RABL2A: variants seen among roughly 807,000 people sequenced by gnomAD.
The protein encoded by RABL2A is rab-like protein 2A.
A neutral mutation model predicts 30.7 loss-of-function variants in RABL2A; 17 were observed. That is an observed-to-expected ratio of 0.55 (90% confidence interval 0.38 to 0.83). The LOEUF (loss-of-function observed/expected upper bound fraction) is 0.83. Ranked by LOEUF, RABL2A falls within the 40% of genes least tolerant of loss-of-function variation. The pLI, the probability that RABL2A is intolerant of heterozygous loss-of-function variation, is 0.00. For synonymous variants in RABL2A, 64 were observed against 101.8 expected (o/e 0.63, Z 2.24); for missense variants, 155 against 272.6 (o/e 0.57, Z 3.04).
chr2:113,641,757 C>T (rs1442596989), intron 7 of RABL2A, 24 bp from the exon 8 acceptor site: 1 of 663,468 alleles, frequency 1.5e-6, no homozygotes, highest in Non-Finnish European at 2.6e-6. Flanking sequence ...GCACTCTCAT[C>T]CACCATCTCT....
At chr2:113,630,261 G>T in intron 2 of RABL2A, among the ~76,000 whole-genome samples, 1 of 152,228 alleles carries the variant, frequency 6.6e-6, no homozygotes, top group East Asian at 1.9e-4. Flanking sequence ...GACCATGATG[G>T]AAACAGTGCA....
intron 2 of RABL2A, 66 bp from the exon 3 acceptor site, chr2:113,632,849 T>C: frequency 6.2e-7 from 1 of 1,613,520 alleles, no homozygotes; most frequent in Non-Finnish European, 8.5e-7. Context: ...AGCCTTAGGG[T>C]GAAAAAGTCT....
intron 5 of RABL2A, chr2:113,638,595 C>T (rs793068): frequency 0.28 from 269,004 of 957,866 alleles, 41,484 homozygotes; most frequent in African/African-American, 0.52. Context: ...AGGCTGGGCG[C>T]GGTGACTCAT....
chr2:113,636,194 T>C (rs1490631996), intron 5 of RABL2A, among the ~76,000 whole-genome samples: 2 of 152,190 alleles, frequency 1.3e-5, no homozygotes, highest in Non-Finnish European at 2.9e-5. Flanking sequence ...CCCTAGCAAT[T>C]GTCACCAAGT....
At position 113,635,055 on chromosome 2, in the gene RABL2A, T is replaced by C. The variant is rs1389209471; in HGVS notation, c.222T>C (p.Phe74=). 2.5e-6 allele frequency: 4 copies of C among 1,613,800 alleles called. No homozygotes were observed. Among genetic ancestry groups the C allele is most frequent in the African/African-American group, 2.7e-5 (2 of 74,920 alleles). Residue 74 remains phenylalanine (F), a synonymous_variant, in exon 5 of 9, where the codon TTT becomes TTC. Coordinates refer to ENST00000683472, the MANE Select transcript of RABL2A (RefSeq NM_001306158.2). ...TVDGKTILVD[F]WDTAGQERFQ... ...CTGTCTGTGTTCACATTGCAGACTT[T>C]TGGGACACGGCAGGCCAGGAGCGGT...
rs573275971 is a variant in RABL2A, at chr2:113,630,745, C to G, written c.107+2032C>G. On this transcript the variant is annotated intron_variant, in intron 2 of 8. Transcript: ENST00000683472. ...CCCCTGTGAACAGGTGACCTCAGAC[C>G]TGGGCACTGCCTCCTGTGGAAGGCT... 2.8e-4 allele frequency among the ~76,000 whole-genome samples: 42 copies of G among 152,206 alleles called. 1 individual carries two copies. In the South Asian group the frequency reaches 8.3e-3, roughly 30 times the overall value.
chr2:113,632,638 T>C (rs1010046468), intron 2 of RABL2A, among the ~76,000 whole-genome samples: 3 of 152,238 alleles, frequency 2.0e-5, no homozygotes, highest in African/African-American at 7.2e-5. Context: ...ACAAGGGTAA[T>C]TGCATGTGCA....
rs1679038280 is a variant in RABL2A, at chr2:113,628,635, A to G, written c.29A>G (p.Glu10Gly). 6.5e-7 allele frequency: 1 copy of G among 1,539,346 alleles called. No homozygotes were observed. Among genetic ancestry groups the G allele is most frequent in the Non-Finnish European group, 8.8e-7 (1 of 1,135,752 alleles). MAEDKTKPS[E>G]LDQGKYDADD... The stretch of plus-strand genomic sequence containing the variant: ...GCAGAAGACAAAACCAAACCGAGTG[A>G]GTTGGACCAAGGGAAGTATGATGCT... Residue 10 changes from glutamate to glycine, a missense_variant, in exon 2 of 9, where the codon GAG becomes GGG. Glu to Gly is a moderately conservative substitution (Grantham distance 98, BLOSUM62 -2). This residue lies in a region of RABL2A where 10 missense variants were observed against 45.2 expected (regional missense o/e 0.22). Transcript: ENST00000683472.
intron 2 of RABL2A, among the ~76,000 whole-genome samples, chr2:113,631,025 G>A (rs1680134506): frequency 6.6e-6 from 1 of 152,100 alleles, no homozygotes; most frequent in Non-Finnish European, 1.5e-5. Flanking sequence ...AGCCTCCTGA[G>A]TAGCTGGGAT....
intron 5 of RABL2A, among the ~76,000 whole-genome samples, chr2:113,639,040 T>G (rs1684051802): frequency 6.6e-6 from 1 of 152,160 alleles, no homozygotes; most frequent in African/African-American, 2.4e-5. Context: ...CCCAGAAATT[T>G]GGGAGGCCGA....
rs1384876833 is a variant in RABL2A, at chr2:113,642,083, G to T, written c.644G>T (p.Ser215Ile). 6.2e-7 allele frequency: 1 copy of T among 1,613,452 alleles called. No individual in the cohort carries two copies. Among genetic ancestry groups the T allele is most frequent in the African/African-American group, 1.3e-5 (1 of 74,624 alleles). ...GACGTGCCAGACCAGGAACAGAGCA[G>T]CAGCATCGAGACCCCATCAGAGGAG... ...EEDVPDQEQS[S>I]SIETPSEEVA... Residue 215 changes from serine (S) to isoleucine (I), a missense_variant, in exon 9 of 9, where the codon AGC becomes ATC. Ser to Ile is a moderately radical substitution (Grantham distance 142, BLOSUM62 -2). Coordinates refer to ENST00000683472, the MANE Select transcript of RABL2A (RefSeq NM_001306158.2).
chr2:113,636,907 T>A (rs943787833), intron 5 of RABL2A, among the ~76,000 whole-genome samples: 2 of 151,660 alleles, frequency 1.3e-5, no homozygotes, highest in African/African-American at 2.4e-5. Flanking sequence ...GAGAATGGCG[T>A]GAACCCAGGA....
At chr2:113,636,833 A>G (rs1682946373) in intron 5 of RABL2A, among the ~76,000 whole-genome samples, 1 of 151,856 alleles carries the variant, frequency 6.6e-6, no homozygotes, top group South Asian at 2.1e-4. Flanking sequence ...CTAAAAATAC[A>G]AAAAAATTAG....
rs1489814182 is a variant in RABL2A, at chr2:113,635,394, G to T, written c.297+264G>T. On this transcript the variant is annotated intron_variant, in intron 5 of 8. Transcript: ENST00000683472. ...TCAACATCAGGTGTAGCATCCAAGA[G>T]GCAAACATGCCTGAAACAGGGCCAC... 8 of 524,104 alleles carry T rather than the reference G, an allele frequency of 1.5e-5. No homozygotes were observed. In the South Asian group the frequency reaches 1.6e-4, roughly 11 times the overall value. 32.5% of individuals were successfully genotyped at this position (524,104 alleles called of 1,614,324 possible). A position where few individuals can be genotyped will look rare whatever the true frequency, so the allele number is the denominator to read the frequency against.
chr2:113,639,842 T>G (rs1160042104), intron 5 of RABL2A, among the ~76,000 whole-genome samples: 1 of 121,172 alleles, frequency 8.3e-6, no homozygotes, highest in African/African-American at 3.6e-5. Flanking sequence ...GGTAACAGAG[T>G]GAGACTCCGT....
chr2:113,642,882 T>A lies in RABL2A; in HGVS notation c.*753T>A. 3.5e-6 allele frequency: 1 copy of A among 284,442 alleles called. No individual in the cohort carries two copies. The highest frequency in any genetic ancestry group is 2.8e-5 in the South Asian group (1 of 35,902). The allele number at this position is 284,442 out of a possible 1,614,324, so 17.6% of individuals were successfully genotyped here. A position where few individuals can be genotyped will look rare whatever the true frequency, so the allele number is the denominator to read the frequency against. On this transcript the variant is annotated 3_prime_UTR_variant, in exon 9 of 9. Transcript: ENST00000683472. ...ACCTCGTGATCCGCCCGCCTCGGCC[T>A]CCCAAAGTGCTGGGATTACAGGCAT...
At chr2:113,641,551 G>T in intron 7 of RABL2A, 101 bp downstream of exon 7, 1 of 1,612,390 alleles carries the variant, frequency 6.2e-7, no homozygotes, top group Admixed American at 1.7e-5. Flanking sequence ...GAGAGAACTG[G>T]GACAGTGCAT....
chr2:113,631,202 C>T (rs953459316), intron 2 of RABL2A, among the ~76,000 whole-genome samples: 9 of 152,152 alleles, frequency 5.9e-5, no homozygotes, highest in East Asian at 1.9e-4. Context: ...GCCAACAAGA[C>T]GTGGCTTTCT....
At chr2:113,636,850 G>A (rs1321504272) in intron 5 of RABL2A, among the ~76,000 whole-genome samples, 3 of 151,998 alleles carry the variant, frequency 2.0e-5, no homozygotes, top group Admixed American at 6.6e-5. Flanking sequence ...TTAGCCGGGC[G>A]TGGTAGCGGG....
Sources: gnomAD v4.1 joint callset for allele counts (sites outside exome capture counted in the v4.1 genomes callset) on GRCh38, gnomAD v4.1.1 for gene constraint, gnomAD v4.1.1 regional missense constraint, MANE v1.5 for transcripts, NCBI Gene and HGNC (gene_info 2026-07-23, HGNC 2026-07-21) for gene names.